CTNNA2: variants seen among roughly 807,000 people sequenced by gnomAD.
The protein encoded by CTNNA2 is catenin alpha 2.
CTNNA2 carries 42 observed loss-of-function variants against 101.0 expected under a neutral mutation model. That is an observed-to-expected ratio of 0.42 (90% CI 0.32 to 0.54). CTNNA2 has a LOEUF of 0.54. Ranked by LOEUF, CTNNA2 falls within the 20% of genes least tolerant of loss-of-function variation. The probability of loss-of-function intolerance (pLI) is 0.14; values close to 1 mark genes in which losing one functional copy is unlikely to be tolerated. For missense variants in CTNNA2, 871 were observed against 1,223.1 expected (o/e 0.71, Z 4.29); for synonymous variants, 450 against 456.4 (o/e 0.99, Z 0.18).
intron 18 of CTNNA2, among the ~76,000 whole-genome samples, chr2:80,628,656 T>A (rs1671953344): frequency 6.6e-6 from 1 of 152,046 alleles, no homozygotes; most frequent in Admixed American, 6.6e-5. Flanking sequence ...GCAAACAGTT[T>A]AAAAGGCTTT....
chr2:79,404,147 A>G (rs1001065077), intron 4 of CTNNA2, among the ~76,000 whole-genome samples: 20 of 151,996 alleles, frequency 1.3e-4, no homozygotes. Context: ...TAAATGTAAA[A>G]AAAAAAAAGG....
chr2:79,561,834 G>C (rs1010864723), intron 1 of CTNNA2, among the ~76,000 whole-genome samples: 12 of 151,588 alleles, frequency 7.9e-5, no homozygotes, highest in Middle Eastern at 3.2e-3. Context: ...AGTTATAATA[G>C]TTTTTTATAT....
chr2:79,471,915 T>A (rs895596040), intron 4 of CTNNA2, among the ~76,000 whole-genome samples: 5 of 152,134 alleles, frequency 3.3e-5, no homozygotes, highest in African/African-American at 1.2e-4. Flanking sequence ...CCCTGGCCCC[T>A]TAAAATTCAT....
chr2:79,936,227 T>TC, intron 7 of CTNNA2, among the ~76,000 whole-genome samples: 1 of 139,658 alleles, frequency 7.2e-6, no homozygotes, highest in Admixed American at 7.7e-5. Context: ...TGTTTTTTTT[T>TC]ATTTTTTTTC....
chr2:79,545,185 C>T (rs573300455), intron 1 of CTNNA2, among the ~76,000 whole-genome samples: 1 of 152,222 alleles, frequency 6.6e-6, no homozygotes, highest in Non-Finnish European at 1.5e-5. Flanking sequence ...TCCCAGCCTC[C>T]CTTACAGCTA....
chr2:79,382,652 C>T (rs372986553), intron 4 of CTNNA2, among the ~76,000 whole-genome samples: 20 of 152,250 alleles, frequency 1.3e-4, no homozygotes, highest in African/African-American at 2.6e-4. Flanking sequence ...TTCGCTCTGT[C>T]GCCCAGGCTG....
intron 7 of CTNNA2, among the ~76,000 whole-genome samples, chr2:80,353,364 G>A (rs1673492031): frequency 6.6e-6 from 1 of 152,050 alleles, no homozygotes; most frequent in Non-Finnish European, 1.5e-5. Context: ...TGGTAGCTTG[G>A]CATAAGTATG....
chr2:80,239,876 C>T (rs1032345542), intron 7 of CTNNA2, among the ~76,000 whole-genome samples: 2 of 151,544 alleles, frequency 1.3e-5, no homozygotes, highest in Non-Finnish European at 2.9e-5. Context: ...CGCTCCATTG[C>T]ACTCCAGCCT....
intron 3 of CTNNA2, among the ~76,000 whole-genome samples, chr2:79,805,202 T>C (rs1296565828): frequency 1.3e-5 from 2 of 152,186 alleles, no homozygotes; most frequent in South Asian, 2.1e-4. Context: ...AGGTTGAATA[T>C]TCCTGGTCTG....
chr2:80,612,355 T>C (rs1307884399), intron 17 of CTNNA2, among the ~76,000 whole-genome samples: 2 of 151,576 alleles, frequency 1.3e-5, no homozygotes, highest in East Asian at 3.9e-4. Flanking sequence ...CCTAAAAATG[T>C]TGGAAACTGA....
intron 7 of CTNNA2, among the ~76,000 whole-genome samples, chr2:80,235,616 T>C (rs1011988686): frequency 6.6e-6 from 1 of 152,120 alleles, no homozygotes; most frequent in African/African-American, 2.4e-5. Context: ...TAGAAGAAGA[T>C]TGGGATCACT....
intron 7 of CTNNA2, among the ~76,000 whole-genome samples, chr2:80,365,571 G>GAAA (rs3040567): frequency 1.5e-5 from 2 of 135,934 alleles, no homozygotes; most frequent in Non-Finnish European, 3.3e-5. Context: ...GTGTTTTTTG[G>GAAA]AAAAAAAAAA....
At position 80,132,830 on chromosome 2, in the gene CTNNA2, A is replaced by AT. The variant is rs1702487610; in HGVS notation, c.1056+223037dup. Among the ~76,000 whole-genome samples the AT allele has an allele frequency of 3.9e-5, 6 of 152,312 alleles. No homozygotes were observed. The South Asian group carries it at 1.2e-3, about 32-fold the overall frequency. Reference sequence around the variant, plus strand: ...AAAATTTAAAAAGAAAAAATAAGTGATTTTGTATTCCAATGTATTGTCAGG... The same window carrying AT: ...AAAATTTAAAAAGAAAAAATAAGTGATTTTTGTATTCCAATGTATTGTCAGG... On this transcript the variant is annotated intron_variant, in intron 7 of 18. Transcript: ENST00000402739.
intron 7 of CTNNA2, among the ~76,000 whole-genome samples, chr2:80,025,068 C>G (rs138183929): frequency 1.2e-3 from 189 of 152,288 alleles, no homozygotes; most frequent in African/African-American, 4.4e-3. Context: ...AGCCGTTCCT[C>G]TGAAGTCAAG....
intron 4 of CTNNA2, among the ~76,000 whole-genome samples, chr2:79,498,558 T>C (rs530155976): frequency 6.6e-6 from 1 of 152,308 alleles, no homozygotes; most frequent in African/African-American, 2.4e-5. Flanking sequence ...TGGACCTTGA[T>C]TGGCACCTTT....
rs544150725 is a variant in CTNNA2, at chr2:79,677,927, C to T, written c.102+26269C>T. Among the ~76,000 whole-genome samples, 4 of 152,300 alleles carry T rather than the reference C, an allele frequency of 2.6e-5. No individual in the cohort carries two copies. In the East Asian group the frequency reaches 7.7e-4, roughly 29 times the overall value. On this transcript the variant is annotated intron_variant, in intron 2 of 18. Transcript: ENST00000402739. ...CCGGAAAGACATTTAAGATGTTTTG[C>T]AACTCACTGAGGAATAGATGAAATT...
chr2:80,512,909 C>A (rs1317735185), intron 9 of CTNNA2, among the ~76,000 whole-genome samples: 2 of 152,038 alleles, frequency 1.3e-5, no homozygotes, highest in Non-Finnish European at 2.9e-5. Flanking sequence ...TTGGCATCCA[C>A]CAAGAATCAA....
rs1205697958 is a variant in CTNNA2 at position 79,499,090 on chromosome 2, A to G, written c.-134-5964A>G. ...ACATAATCATTTCCTAAGGCAGAAG[A>G]AGTGTTGTTATAAATTACTTTTCTA... is the stretch of plus-strand genomic sequence containing the variant. On this transcript the variant is annotated intron_variant, in intron 4 of 21. Coordinates refer to the CTNNA2 transcript ENST00000466387. 8 of 152,274 alleles carry G rather than the reference A, an allele frequency of 5.3e-5. No homozygotes were observed. The East Asian group carries it at 1.5e-3, about 29-fold the overall frequency. The allele number at this position is 152,274 out of a possible 1,614,324, so 9.4% of individuals were successfully genotyped here.
chr2:80,155,955 G>A (rs1466242355), intron 7 of CTNNA2, among the ~76,000 whole-genome samples: 3 of 152,142 alleles, frequency 2.0e-5, no homozygotes, highest in Non-Finnish European at 4.4e-5. Flanking sequence ...ATTGCTCTAG[G>A]CCACTATTGC....
Sources: gnomAD v4.1 joint callset for allele counts (sites outside exome capture counted in the v4.1 genomes callset) on GRCh38, gnomAD v4.1.1 for gene constraint, MANE v1.5 for transcripts, NCBI Gene and HGNC (gene_info 2026-07-23, HGNC 2026-07-21) for gene names.